The following KAZN variants were observed in gnomAD, a reference collection of about 807,000 sequenced individuals.
The protein encoded by KAZN is kazrin, periplakin interacting protein, also known as kazrin.
In KAZN, 40 loss-of-function variants were observed where a neutral mutation model predicts 87.4. The ratio of observed to expected loss-of-function variants is 0.46; its 90% confidence interval spans 0.36 to 0.60. KAZN has a LOEUF of 0.60. KAZN is among the 20% of genes least tolerant of loss of function. The pLI, the probability that KAZN is intolerant of heterozygous loss-of-function variation, is 0.00. For synonymous variants in KAZN, 466 were observed against 458.3 expected (o/e 1.02, Z -0.22); for missense variants, 898 against 1,073.9 (o/e 0.84, Z 2.29).
At chr1:14,462,006 T>G (rs1667879826) in intron 2 of KAZN, among the ~76,000 whole-genome samples, 1 of 151,816 alleles carries the variant, frequency 6.6e-6, no homozygotes, top group South Asian at 2.1e-4. Flanking sequence ...GCTCCCACAA[T>G]TTCCATGAAA....
chr1:15,094,653 G>A lies in KAZN; in HGVS notation c.1429-162G>A, dbSNP rs1029945953. ...CTCCCTCTGCCTGAACAGGGATTCC[G>A]CCCCACATCAGAGTTGCAGAGGTTT... is the stretch of plus-strand genomic sequence containing the variant. On this transcript the variant is annotated intron_variant, in intron 9 of 14. Coordinates refer to ENST00000376030, the MANE Select transcript of KAZN (RefSeq NM_201628.3). This position sits in a 1 kb window ranked among gnomAD's most constrained non-coding sequence, Gnocchi z 4.5. Among the ~76,000 whole-genome samples, 10 of 152,170 alleles carry A rather than the reference G, an allele frequency of 6.6e-5. No individual in the cohort carries two copies. Among genetic ancestry groups the A allele is most frequent in the African/African-American group, 1.4e-4 (6 of 41,434 alleles).
intron 2 of KAZN, among the ~76,000 whole-genome samples, chr1:14,323,074 A>G (rs766349023): frequency 1.3e-5 from 2 of 152,142 alleles, no homozygotes; most frequent in African/African-American, 4.8e-5. Flanking sequence ...ACTTACTACT[A>G]CAAGAACAGC....
intron 2 of KAZN, among the ~76,000 whole-genome samples, chr1:14,975,607 G>T (rs929515326): frequency 6.6e-6 from 1 of 152,236 alleles, no homozygotes; most frequent in East Asian, 1.9e-4. Context: ...TGGAATATTG[G>T]TATAGTCCAG....
At chr1:14,091,204 C>T (rs1643984740) in intron 1 of KAZN, among the ~76,000 whole-genome samples, 1 of 151,814 alleles carries the variant, frequency 6.6e-6, no homozygotes, top group African/African-American at 2.4e-5. Context: ...ATGCAAACCT[C>T]AGCCACTCTG....
chr1:14,770,125 G>T (rs1644983405), intron 1 of KAZN, among the ~76,000 whole-genome samples: 1 of 152,058 alleles, frequency 6.6e-6, no homozygotes, highest in Non-Finnish European at 1.5e-5. Flanking sequence ...ACATGGTTGG[G>T]GTCCGGATCA....
At chr1:14,435,732 T>A (rs900799753) in intron 2 of KAZN, among the ~76,000 whole-genome samples, 1 of 152,208 alleles carries the variant, frequency 6.6e-6, no homozygotes, top group East Asian at 1.9e-4. Context: ...CATCTTAGAA[T>A]GGGGATGATG....
At chr1:13,965,642 T>C (rs1032663929) in intron 1 of KAZN, among the ~76,000 whole-genome samples, 1 of 152,100 alleles carries the variant, frequency 6.6e-6, no homozygotes, top group African/African-American at 2.4e-5. Context: ...AGCCCGATAG[T>C]CCCAACTCTC....
chr1:14,462,099 C>T (rs1312371763), intron 2 of KAZN, among the ~76,000 whole-genome samples: 1 of 150,916 alleles, frequency 6.6e-6, no homozygotes, highest in African/African-American at 2.4e-5. Context: ...CTAAAAGTCT[C>T]CTCTTGGGAA....
At chr1:14,542,667 T>C (rs187460647) in intron 2 of KAZN, among the ~76,000 whole-genome samples, 2 of 152,290 alleles carry the variant, frequency 1.3e-5, no homozygotes, top group Non-Finnish European at 2.9e-5. Context: ...GTAGTGAGCA[T>C]AGTATCGGAT....
chr1:14,273,102 A>T (rs1480648510), intron 2 of KAZN, among the ~76,000 whole-genome samples: 2 of 152,104 alleles, frequency 1.3e-5, no homozygotes, highest in Non-Finnish European at 2.9e-5. Flanking sequence ...GATCAGACTA[A>T]GTCTGGCAAT....
At chr1:14,295,294 A>G (rs1052499884) in intron 2 of KAZN, among the ~76,000 whole-genome samples, 2 of 152,168 alleles carry the variant, frequency 1.3e-5, no homozygotes, top group African/African-American at 2.4e-5. Flanking sequence ...CTCTTATTCA[A>G]TGACTCAAAT....
At chr1:13,904,190 G>T (rs760162879) in intron 1 of KAZN, among the ~76,000 whole-genome samples, 7 of 152,184 alleles carry the variant, frequency 4.6e-5, no homozygotes, top group Non-Finnish European at 7.3e-5. Flanking sequence ...GGCCGGGCGA[G>T]GAGGTGCCCT....
At chr1:14,182,489 AAC>A (rs1646218423) in intron 2 of KAZN, among the ~76,000 whole-genome samples, 1 of 152,130 alleles carries the variant, frequency 6.6e-6, no homozygotes, top group Non-Finnish European at 1.5e-5. Flanking sequence ...AACTTTTTGA[AAC>A]AGTGTTTTGG....
chr1:14,074,681 A>G (rs1300351557), intron 1 of KAZN, among the ~76,000 whole-genome samples: 1 of 152,186 alleles, frequency 6.6e-6, no homozygotes, highest in Non-Finnish European at 1.5e-5. Flanking sequence ...TAAGGGCAGA[A>G]CTGGTCTCAA....
chr1:14,419,784 C>T lies in KAZN; in HGVS notation c.250-179199C>T, dbSNP rs182121881. Among the ~76,000 whole-genome samples, 171 of 151,956 alleles carry T rather than the reference C, an allele frequency of 1.1e-3. 3 individuals are homozygous for T. In the East Asian group the frequency reaches 0.02, roughly 18 times the overall value. On this transcript the variant is annotated intron_variant, in intron 2 of 16. Coordinates refer to the KAZN transcript ENST00000636203. ...TCTGGTGTTGTTTGTCCCTCCCATC[C>T]GGAGTTGTTCATTCCTCCCGGTGGG...
intron 1 of KAZN, among the ~76,000 whole-genome samples, chr1:14,914,653 C>T (rs1405488125): frequency 6.6e-6 from 1 of 152,118 alleles, no homozygotes; most frequent in Non-Finnish European, 1.5e-5. Flanking sequence ...TTGTTGCCTT[C>T]GAGAATGGGT....
chr1:14,591,712 ATTGC>A (rs1313803960), intron 2 of KAZN, among the ~76,000 whole-genome samples: 1 of 152,174 alleles, frequency 6.6e-6, no homozygotes, highest in African/African-American at 2.4e-5. Flanking sequence ...TAGATGAGAG[ATTGC>A]TTGGGAAGAC....
chr1:14,503,695 T>C (rs1261672548), intron 2 of KAZN, among the ~76,000 whole-genome samples: 2 of 151,668 alleles, frequency 1.3e-5, no homozygotes, highest in Non-Finnish European at 2.9e-5. Flanking sequence ...CTAACCCCTA[T>C]GCAAGCAGAG....
chr1:14,207,296 C>T (rs1001807963), intron 2 of KAZN, among the ~76,000 whole-genome samples: 2 of 152,010 alleles, frequency 1.3e-5, no homozygotes, highest in African/African-American at 2.4e-5. Flanking sequence ...ATAAATTGCT[C>T]GGGTGATGTT....
Sources: allele counts gnomAD v4.1 joint callset (sites outside exome capture counted in the v4.1 genomes callset), GRCh38; gene constraint gnomAD v4.1.1; non-coding constraint Gnocchi (gnomAD v3.1); transcripts MANE v1.5; gene names NCBI Gene and HGNC (gene_info 2026-07-23, HGNC 2026-07-21).